Variants in HEATR9 observed in about 807,000 individuals in gnomAD.
The protein encoded by HEATR9 is HEAT repeat containing 9.
HEATR9 carries 54 observed loss-of-function variants against 68.2 expected under a neutral mutation model. The ratio of observed to expected loss-of-function variants is 0.79; its 90% confidence interval spans 0.64 to 0.99. The LOEUF (loss-of-function observed/expected upper bound fraction) is 0.99. HEATR9 is among the 50% of genes least tolerant of loss of function. The pLI, the probability that HEATR9 is intolerant of heterozygous loss-of-function variation, is 0.00. For synonymous variants in HEATR9, 241 were observed against 253.5 expected (o/e 0.95, Z 0.47); for missense variants, 662 against 679.7 (o/e 0.97, Z 0.29).
At chr17:35,857,234 C>CT (rs942786466) in intron 11 of HEATR9, among the ~76,000 whole-genome samples, 1 of 152,136 alleles carries the variant, frequency 6.6e-6, no homozygotes, top group Non-Finnish European at 1.5e-5. Context: ...TCCAAGCACT[C>CT]TGAGTGCTCT....
At chr17:35,855,618 G>A in intron 14 of HEATR9, 46 bp downstream of exon 14, 2 of 1,561,656 alleles carry the variant, frequency 1.3e-6, no homozygotes, top group Non-Finnish European at 1.8e-6. Flanking sequence ...GAAGCTTGAA[G>A]GAGGGCTAGA....
rs115373526 is a variant in HEATR9 at position 35,856,753 on chromosome 17, G to T, written c.1205C>A (p.Thr402Lys). ...QTVEELKLKP[T>K]MMNLVEAQLM... ...TCACGCCTCCACCAAGTTCATCATC[G>T]TAGGCTTCAACTTGAGCTCTTCCAC... Residue 402 changes from threonine to lysine, a missense_variant, in exon 12 of 15, where the codon ACG becomes AAG. Transcript: ENST00000604834. 7 of 1,605,528 alleles carry T rather than the reference G, an allele frequency of 4.4e-6. No homozygotes were observed. The highest frequency in any genetic ancestry group is 4.0e-5 in the African/African-American group (3 of 74,792).
At chr17:35,857,957 G>C (rs540901576) in intron 11 of HEATR9, among the ~76,000 whole-genome samples, 2 of 152,168 alleles carry the variant, frequency 1.3e-5, no homozygotes, top group South Asian at 4.1e-4. Context: ...ATTACTTACT[G>C]GTGCGAGTGA....
At chr17:35,864,597 T>C (rs2088125759) in intron 4 of HEATR9, 44 bp from the exon 5 acceptor site, 1 of 1,595,410 alleles carries the variant, frequency 6.3e-7, no homozygotes, top group African/African-American at 1.4e-5. Context: ...CAGAGAAAAA[T>C]AAAGAATTTC....
In HEATR9 at chr17:35,859,085, A is replaced by G. The variant is rs1191074083; in HGVS notation, c.757-15T>C. On this transcript the variant is annotated splice_polypyrimidine_tract_variant and intron_variant, in intron 8 of 14. Transcript: ENST00000604834. ...ACTTGAGTCCTCTGTGAGGGAGACAAAATGGCTAAGGGGAGGGGCTATGTA... is the reference window on the plus strand; with the variant it reads ...ACTTGAGTCCTCTGTGAGGGAGACAGAATGGCTAAGGGGAGGGGCTATGTA... 3.7e-6 allele frequency: 6 copies of G among 1,612,268 alleles called. No homozygotes were observed. The African/African-American group carries it at 8.0e-5, about 22-fold the overall frequency.
At position 35,858,954 on chromosome 17, in the gene HEATR9, G is replaced by T. The variant is rs767031717; in HGVS notation, c.873C>A (p.Cys291Ter). ...AALCLGFLRP[C>*]SNMVQEFLLQ... Reference sequence around the variant, plus strand: ...ACAAGAACTCTTGGACCATGTTGCTGCAAGGCCTCAGGAAACCCAGGCACA... The same window carrying T: ...ACAAGAACTCTTGGACCATGTTGCTTCAAGGCCTCAGGAAACCCAGGCACA... Residue 291 changes from cysteine to a stop codon, truncating the protein, a stop_gained, in exon 9 of 15, where the codon TGC (cysteine) becomes TGA (stop). Coordinates refer to ENST00000604834, the MANE Select transcript of HEATR9 (RefSeq NM_152781.4). LOFTEE classifies it high-confidence loss of function. 1.9e-6 allele frequency: 3 copies of T among 1,614,050 alleles called. No homozygotes were observed. In the Admixed American group the frequency reaches 5.0e-5, roughly 27 times the overall value.
At chr17:35,860,252 C>T (rs1383083401) in intron 8 of HEATR9, among the ~76,000 whole-genome samples, 1 of 150,030 alleles carries the variant, frequency 6.7e-6, no homozygotes, top group Non-Finnish European at 1.5e-5. Flanking sequence ...ATTAGCTGGG[C>T]GCAGTGGCAG....
chr17:35,868,765 A>C lies in HEATR9; in HGVS notation c.-23T>G, dbSNP rs544802130. ...CATCTTCTTCTCCTGGTGGGGCCAG[A>C]GGGAACCTGCAGGGGGGAATACAAG... On this transcript the variant is annotated 5_prime_UTR_variant, in exon 1 of 15. Coordinates refer to ENST00000604834, the MANE Select transcript of HEATR9 (RefSeq NM_152781.4). The C allele has an allele frequency of 1.3e-4, 202 of 1,612,294 alleles. 1 individual carries two copies. The South Asian group carries it at 2.1e-3, about 17-fold the overall frequency.
Position 35,858,216 on chromosome 17 carries a change from T to C in HEATR9, c.1136A>G (p.His379Arg), listed in dbSNP as rs758648631. 1.9e-6 allele frequency: 3 copies of C among 1,614,166 alleles called. No homozygotes were observed. The highest frequency in any genetic ancestry group is 2.2e-5 in the East Asian group (1 of 44,882). Residue 379 changes from histidine (H) to arginine (R), a missense_variant, in exon 11 of 15, where the codon CAT becomes CGT. Physicochemically the swap from His to Arg is conservative, Grantham distance 29. Transcript: ENST00000604834. Reference protein sequence around the residue: ...LTFNLLRRKTHNEPFLAVRQA... With the variant: ...LTFNLLRRKTRNEPFLAVRQA... ...CTCACTTACAAGGAAGGGTTCATTATGCGTCTTCCTCCTGAGCAGGTTAAA... is the reference window on the plus strand; with the variant it reads ...CTCACTTACAAGGAAGGGTTCATTACGCGTCTTCCTCCTGAGCAGGTTAAA...
rs755947416 is a variant in HEATR9, at chr17:35,858,328, G to A, written c.1033-9C>T. The A allele has an allele frequency of 1.1e-5, 17 of 1,614,150 alleles. No individual in the cohort carries two copies. In the South Asian group the frequency reaches 1.4e-4, roughly 14 times the overall value. On this transcript the variant is annotated splice_polypyrimidine_tract_variant and intron_variant, in intron 10 of 14. Coordinates refer to ENST00000604834, the MANE Select transcript of HEATR9 (RefSeq NM_152781.4). ...GTGGCTTCAAAGCGGTCCTGAGGTCGGGGGTGAGGGTTAGTGGGGAGGTGT... is the reference window on the plus strand; with the variant it reads ...GTGGCTTCAAAGCGGTCCTGAGGTCAGGGGTGAGGGTTAGTGGGGAGGTGT...
At chr17:35,867,428 CAAAAAAAAAAAAA>C (rs11315915) in intron 1 of HEATR9, among the ~76,000 whole-genome samples, 16 of 40,088 alleles carry the variant, frequency 4.0e-4, no homozygotes, top group East Asian at 3.1e-3. Context: ...GAGCAAGACT[CAAAAAAAAAAAAA>C]AAAAAAAAAA....
Position 35,868,781 on chromosome 17 carries a change from G to A in HEATR9, c.-39C>T. ...TGGGGCCAGAGGGAACCTGCAGGGGGGAATACAAGGCTTTTAGGGGAGTGG... is the reference window on the plus strand; with the variant it reads ...TGGGGCCAGAGGGAACCTGCAGGGGAGAATACAAGGCTTTTAGGGGAGTGG... On this transcript the variant is annotated 5_prime_UTR_variant, in exon 1 of 15. Transcript: ENST00000604834. The A allele has an allele frequency of 6.3e-7, 1 of 1,594,150 alleles. No homozygotes were observed. The highest frequency in any genetic ancestry group is 1.1e-5 in the South Asian group (1 of 90,588).
Position 35,858,956 on chromosome 17 carries a change from A to G in HEATR9, c.871T>C (p.Cys291Arg). 1 of 1,614,160 alleles carries G rather than the reference A, an allele frequency of 6.2e-7. No homozygotes were observed. The highest frequency in any genetic ancestry group is 1.1e-5 in the South Asian group (1 of 91,078). Residue 291 changes from cysteine (C) to arginine (R), a missense_variant, in exon 9 of 15, where the codon TGC becomes CGC. Cys to Arg is a radical substitution (Grantham distance 180). Transcript: ENST00000604834. ...AALCLGFLRPCSNMVQEFLLQ... is the reference protein window; with the variant it reads ...AALCLGFLRPRSNMVQEFLLQ... ...AAGAACTCTTGGACCATGTTGCTGC[A>G]AGGCCTCAGGAAACCCAGGCACAGG... is the stretch of plus-strand genomic sequence containing the variant.
rs932842329 is a variant in HEATR9 at position 35,861,316 on chromosome 17, T to C, written c.756+1679A>G. On this transcript the variant is annotated intron_variant, in intron 8 of 14. Transcript: ENST00000604834. ...TGCGTCAATAGTTTTATTCCATAGCTCTTGCTAGTATTTGATAGGTTCATT... is the reference window on the plus strand; with the variant it reads ...TGCGTCAATAGTTTTATTCCATAGCCCTTGCTAGTATTTGATAGGTTCATT... The C allele has an allele frequency of 2.8e-6, 4 of 1,410,186 alleles. No individual in the cohort carries two copies. In the Admixed American group the frequency reaches 5.0e-5, roughly 18 times the overall value. 87.4% of individuals were successfully genotyped at this position (1,410,186 alleles called of 1,614,324 possible). A position where few individuals can be genotyped will look rare whatever the true frequency, so the allele number is the denominator to read the frequency against.
chr17:35,864,227 C>T lies in HEATR9; in HGVS notation c.567+19G>A. The T allele has an allele frequency of 1.3e-6, 2 of 1,599,864 alleles. 1 individual carries two copies. The highest frequency in any genetic ancestry group is 2.2e-5 in the South Asian group (2 of 90,776). Reference sequence around the variant, plus strand: ...CCCTGTTTCCTTCTTTCCTGAACTCCAGCAGTTCTCAGACTCACCACCTGC... The same window carrying T: ...CCCTGTTTCCTTCTTTCCTGAACTCTAGCAGTTCTCAGACTCACCACCTGC... On this transcript the variant is annotated intron_variant, in intron 6 of 14. Coordinates refer to ENST00000604834, the MANE Select transcript of HEATR9 (RefSeq NM_152781.4).
Position 35,858,183 on chromosome 17 carries a change from G to C in HEATR9, c.1152+17C>G. On this transcript the variant is annotated intron_variant, in intron 11 of 14. Coordinates refer to ENST00000604834, the MANE Select transcript of HEATR9 (RefSeq NM_152781.4). ...GGTTTGGGTGTCTCTGGGCTTGGGA[G>C]CTTTGGTCTCACTTACAAGGAAGGG... 6.2e-7 allele frequency: 1 copy of C among 1,614,140 alleles called. No homozygotes were observed. Among genetic ancestry groups the C allele is most frequent in the South Asian group, 1.1e-5 (1 of 91,080 alleles).
chr17:35,867,289 G>T (rs2088234628), intron 1 of HEATR9, among the ~76,000 whole-genome samples: 1 of 151,802 alleles, frequency 6.6e-6, no homozygotes, highest in Non-Finnish European at 1.5e-5. Flanking sequence ...ATAAAAATTT[G>T]CCAGGGGTGG....
intron 8 of HEATR9, among the ~76,000 whole-genome samples, chr17:35,860,896 A>G (rs2087964403): frequency 6.6e-6 from 1 of 152,010 alleles, no homozygotes; most frequent in African/African-American, 2.4e-5. Flanking sequence ...ATACAAAAAA[A>G]TTAGCCGGGC....
chr17:35,861,567 G>C (rs892819494), intron 8 of HEATR9: 2 of 753,028 alleles, frequency 2.7e-6, no homozygotes, highest in Admixed American at 1.8e-5. Context: ...TGATACGCAT[G>C]TTGAACCTGT....
Sources: allele counts gnomAD v4.1 joint callset (sites outside exome capture counted in the v4.1 genomes callset), GRCh38; gene constraint gnomAD v4.1.1; transcripts MANE v1.5; gene names NCBI Gene and HGNC (gene_info 2026-07-23, HGNC 2026-07-21).